The following MGAT4C variants were observed in gnomAD, a reference collection of about 807,000 sequenced individuals.
MGAT4C encodes the protein MGAT4 family member C.
MGAT4C carries 19 observed loss-of-function variants against 40.1 expected under a neutral mutation model. That is an observed-to-expected ratio of 0.47 (90% CI 0.33 to 0.70). The LOEUF is 0.70. Ranked by LOEUF, MGAT4C falls within the 30% of genes least tolerant of loss-of-function variation. MGAT4C has a pLI of 0.02. For synonymous variants in MGAT4C, 181 were observed against 187.1 expected, an observed-to-expected ratio of 0.97 and a Z score of 0.27; for missense variants, 491 against 563.2, an observed-to-expected ratio of 0.87 and a Z score of 1.30.
chr12:86,534,137 A>C (rs1357865815), intron 2 of MGAT4C, among the ~76,000 whole-genome samples: 2 of 152,022 alleles, frequency 1.3e-5, no homozygotes, highest in Non-Finnish European at 2.9e-5. Flanking sequence ...ATCCAGAGAC[A>C]ATTCACCAAG....
chr12:86,676,861 AATG>A (rs1385600601), intron 2 of MGAT4C, among the ~76,000 whole-genome samples: 2 of 152,134 alleles, frequency 1.3e-5, no homozygotes, highest in Non-Finnish European at 1.5e-5. Flanking sequence ...TGATTCATAA[AATG>A]ATGATAGAAA....
At chr12:86,182,005 A>AT (rs1888184509) in intron 1 of MGAT4C, among the ~76,000 whole-genome samples, 1 of 151,984 alleles carries the variant, frequency 6.6e-6, no homozygotes, top group African/African-American at 2.4e-5. Context: ...ATAACACTCT[A>AT]TCTACTGCAT....
In MGAT4C at chr12:86,339,741, C is replaced by T. The variant is rs1412625352; in HGVS notation, c.-119-5614G>A. On this transcript the variant is annotated intron_variant, in intron 3 of 7. Transcript: ENST00000548651. ...ATATACACACACACCTACACATGCACACACACACACAAAGACACACAGAGC... is the reference window on the plus strand; with the variant it reads ...ATATACACACACACCTACACATGCATACACACACACAAAGACACACAGAGC... Among the ~76,000 whole-genome samples the T allele has an allele frequency of 2.0e-5, 3 of 151,896 alleles. No homozygotes were observed. In the East Asian group the frequency reaches 5.8e-4, roughly 29 times the overall value.
chr12:86,251,298 T>TA (rs1365709131), intron 1 of MGAT4C, among the ~76,000 whole-genome samples: 3 of 151,950 alleles, frequency 2.0e-5, no homozygotes, highest in Non-Finnish European at 2.9e-5. Flanking sequence ...CCTGAGAACT[T>TA]AGAGACACAC....
intron 4 of MGAT4C, among the ~76,000 whole-genome samples, chr12:85,981,301 T>A (rs1170850370): frequency 1.1e-4 from 17 of 152,208 alleles, no homozygotes; most frequent in Admixed American, 8.5e-4. Flanking sequence ...ATATTTTCAC[T>A]TTTTAAAGCT....
At chr12:86,514,993 G>A (rs1398833292) in intron 2 of MGAT4C, among the ~76,000 whole-genome samples, 1 of 152,162 alleles carries the variant, frequency 6.6e-6, no homozygotes, top group African/African-American at 2.4e-5. Flanking sequence ...AGAACAGAGA[G>A]AATATATTAT....
chr12:86,467,789 C>G (rs7977034), intron 2 of MGAT4C, among the ~76,000 whole-genome samples: 7,850 of 152,050 alleles, frequency 0.052, 661 homozygotes, highest in African/African-American at 0.18. Flanking sequence ...GATAATGTTT[C>G]CAGGATTCTT....
In MGAT4C at chr12:86,038,273, T is replaced by A. The variant is rs189169795; in HGVS notation, c.-7+11401A>T. Among the ~76,000 whole-genome samples the A allele has an allele frequency of 5.3e-5, 8 of 149,942 alleles. 3 individuals are homozygous for A. The highest frequency in any genetic ancestry group is 4.7e-4 in the Admixed American group (7 of 14,944). On this transcript the variant is annotated intron_variant, in intron 2 of 4. Transcript: ENST00000611864. ...CAAGGAGCCAGCAAGTCTAGACTCA[T>A]TCCAGATGCCACGAGCGGTTTATGC...
Position 86,392,630 on chromosome 12 carries a change from G to A in MGAT4C, c.-120+42527C>T, listed in dbSNP as rs116359567. Among the ~76,000 whole-genome samples, 1,055 of 152,290 alleles carry A rather than the reference G, an allele frequency of 6.9e-3. 16 individuals are homozygous for A. Among genetic ancestry groups the A allele is most frequent in the African/African-American group, 0.024 (1,013 of 41,570 alleles). The stretch of plus-strand genomic sequence containing the variant: ...GTGAGGGATGGCTTTTAGAGTAAGT[G>A]ATATTTTACCTGAGTTTTTAAGGGT... On this transcript the variant is annotated intron_variant, in intron 3 of 7. Transcript: ENST00000548651.
At chr12:86,186,178 C>T (rs1888732853) in intron 1 of MGAT4C, among the ~76,000 whole-genome samples, 1 of 152,044 alleles carries the variant, frequency 6.6e-6, no homozygotes, top group Non-Finnish European at 1.5e-5. Flanking sequence ...CCATAGGGTA[C>T]CAATACCATA....
intron 2 of MGAT4C, among the ~76,000 whole-genome samples, chr12:86,545,173 T>C (rs538880938): frequency 2.6e-5 from 4 of 152,110 alleles, no homozygotes; most frequent in Non-Finnish European, 4.4e-5. Context: ...TATTAAAATG[T>C]AAATCAATTT....
At chr12:86,487,505 A>G (rs1409977441) in intron 2 of MGAT4C, among the ~76,000 whole-genome samples, 2 of 152,110 alleles carry the variant, frequency 1.3e-5, no homozygotes, top group South Asian at 2.1e-4. Flanking sequence ...GAAAACAAGT[A>G]TTTCCGAATT....
intron 2 of MGAT4C, among the ~76,000 whole-genome samples, chr12:86,510,243 C>T (rs1040224566): frequency 6.6e-6 from 1 of 152,028 alleles, no homozygotes; most frequent in Non-Finnish European, 1.5e-5. Context: ...CCCATCAATA[C>T]CTAATTTATT....
intron 3 of MGAT4C, among the ~76,000 whole-genome samples, chr12:85,987,058 A>C (rs1885287764): frequency 6.6e-6 from 1 of 150,564 alleles, no homozygotes. Flanking sequence ...GAGTGTTGGA[A>C]TTTAGCAATT....
chr12:86,710,247 A>C (rs918666277), intron 2 of MGAT4C, among the ~76,000 whole-genome samples: 1 of 152,182 alleles, frequency 6.6e-6, no homozygotes, highest in Non-Finnish European at 1.5e-5. Flanking sequence ...AATGCTGATA[A>C]AGATGTAGTA....
chr12:86,764,192 C>T (rs1045619363), intron 1 of MGAT4C, among the ~76,000 whole-genome samples: 5 of 152,166 alleles, frequency 3.3e-5, no homozygotes, highest in African/African-American at 7.2e-5. Flanking sequence ...GCTTAAAAAA[C>T]GGTGCACCAG....
At chr12:86,019,805 G>C (rs926717229) in intron 2 of MGAT4C, among the ~76,000 whole-genome samples, 4 of 152,124 alleles carry the variant, frequency 2.6e-5, no homozygotes, top group Non-Finnish European at 5.9e-5. Flanking sequence ...TCATGATACT[G>C]ATTCTTCCTA....
At chr12:86,409,450 G>A (rs1386125671) in intron 3 of MGAT4C, among the ~76,000 whole-genome samples, 1 of 152,010 alleles carries the variant, frequency 6.6e-6, no homozygotes, top group Non-Finnish European at 1.5e-5. Context: ...GACACAGAAG[G>A]CCATGAAGTG....
chr12:86,751,961 C>T (rs1369927778), intron 1 of MGAT4C, among the ~76,000 whole-genome samples: 2 of 151,848 alleles, frequency 1.3e-5, no homozygotes, highest in Admixed American at 1.3e-4. Flanking sequence ...TATTCAATAA[C>T]ATGTTTTAAG....
Sources: allele counts gnomAD v4.1 joint callset (sites outside exome capture counted in the v4.1 genomes callset), GRCh38; gene constraint gnomAD v4.1.1; transcripts MANE v1.5; gene names NCBI Gene and HGNC (gene_info 2026-07-23, HGNC 2026-07-21).